The following ABHD17B variants were observed in gnomAD, a reference collection of about 807,000 sequenced individuals.
The protein encoded by ABHD17B is abhydrolase domain containing 17B, depalmitoylase, also known as alpha/beta hydrolase domain-containing protein 17B.
Under a neutral mutation model 26.2 loss-of-function variants are expected in ABHD17B, and 9 were observed. The observed-to-expected ratio is 0.34, with a 90% CI of 0.21 to 0.60. ABHD17B has a LOEUF of 0.60. Among genes scored for constraint, ABHD17B ranks in the 20% least tolerant of loss-of-function variants. ABHD17B has a pLI of 0.80. For missense variants in ABHD17B, 224 were observed against 352.1 expected, an observed-to-expected ratio of 0.64 and a Z score of 2.91; for synonymous variants, 127 against 122.3, an observed-to-expected ratio of 1.04 and a Z score of -0.25.
chr9:71,894,080 T>A (rs1826878549), intron 1 of ABHD17B, among the ~76,000 whole-genome samples: 1 of 86,410 alleles, frequency 1.2e-5, no homozygotes. Context: ...AGAGCGAGAC[T>A]CTATCTCAAA....
At chr9:71,869,945 T>C in intron 3 of ABHD17B, 138 bp downstream of exon 3, 1 of 804,826 alleles carries the variant, frequency 1.2e-6, no homozygotes. Flanking sequence ...TCTTTACAAA[T>C]TAATTTTTCA....
rs1825920306 is a variant in ABHD17B, at chr9:71,865,228, A to G, written c.*1559T>C. The G allele has an allele frequency of 2.0e-6, 2 of 985,460 alleles. No homozygotes were observed. Among genetic ancestry groups the G allele is most frequent in the Non-Finnish European group, 2.4e-6 (2 of 829,832 alleles). The allele number at this position is 985,460 out of a possible 1,614,324, so 61.0% of individuals were successfully genotyped here. A position where few individuals can be genotyped will look rare whatever the true frequency, so the allele number is the denominator to read the frequency against. On this transcript the variant is annotated 3_prime_UTR_variant, in exon 4 of 4. Transcript: ENST00000333421. ...CATTCACAATACTTGATATACTTTGAAGAGAGTCATATACTATAGTCTTAA... is the reference window on the plus strand; with the variant it reads ...CATTCACAATACTTGATATACTTTGGAGAGAGTCATATACTATAGTCTTAA...
At chr9:71,908,666 T>A (rs1827356594) in intron 1 of ABHD17B, among the ~76,000 whole-genome samples, 1 of 152,238 alleles carries the variant, frequency 6.6e-6, no homozygotes, top group African/African-American at 2.4e-5. Context: ...ATTTTAATTC[T>A]TAAATGATGG....
At chr9:71,884,135 T>C (rs1324845371) in intron 1 of ABHD17B, among the ~76,000 whole-genome samples, 1 of 152,028 alleles carries the variant, frequency 6.6e-6, no homozygotes, top group African/African-American at 2.4e-5. Flanking sequence ...CCTCACCAAC[T>C]ATCAGAGAAA....
Position 71,874,602 on chromosome 9 carries a change from A to G in ABHD17B, c.467+12T>C. 1 of 1,533,550 alleles carries G rather than the reference A, an allele frequency of 6.5e-7. No homozygotes were observed. The highest frequency in any genetic ancestry group is 8.8e-7 in the Non-Finnish European group (1 of 1,142,048). The allele number at this position is 1,533,550 out of a possible 1,614,324, so 95.0% of individuals were successfully genotyped here. A position where few individuals can be genotyped will look rare whatever the true frequency, so the allele number is the denominator to read the frequency against. On this transcript the variant is annotated intron_variant, in intron 2 of 3. Transcript: ENST00000333421. ...CCACGAGTATGAAAAATAAATTCCA[A>G]CCACAATTTACCTTGTCCTAAGAGC... is the stretch of plus-strand genomic sequence containing the variant.
chr9:71,899,415 A>G (rs1182246029), intron 1 of ABHD17B, among the ~76,000 whole-genome samples: 1 of 152,166 alleles, frequency 6.6e-6, no homozygotes, highest in Admixed American at 6.5e-5. Context: ...TTTGGTGTAA[A>G]TACTTCTTTG....
chr9:71,866,374 T>C lies in ABHD17B; in HGVS notation c.*413A>G. On this transcript the variant is annotated 3_prime_UTR_variant, in exon 4 of 4. Transcript: ENST00000333421. ...TTCCATTATGAGTACTTAAATTGCT[T>C]TAGATACATAGCTTTTTTCAAAATA... The C allele has an allele frequency of 1.0e-6, 1 of 988,730 alleles. No individual in the cohort carries two copies. Among genetic ancestry groups the C allele is most frequent in the East Asian group, 1.0e-4 (1 of 10,032 alleles). 61.2% of individuals were successfully genotyped at this position (988,730 alleles called of 1,614,324 possible). A position where few individuals can be genotyped will look rare whatever the true frequency, so the allele number is the denominator to read the frequency against.
intron 1 of ABHD17B, among the ~76,000 whole-genome samples, chr9:71,881,730 C>CA (rs1197551926): frequency 1.3e-5 from 2 of 151,706 alleles, no homozygotes; most frequent in African/African-American, 2.4e-5. Context: ...ACTAAAAATA[C>CA]AAAAAATTAG....
chr9:71,900,316 C>G (rs976667588), intron 1 of ABHD17B, among the ~76,000 whole-genome samples: 1 of 152,162 alleles, frequency 6.6e-6, no homozygotes, highest in Non-Finnish European at 1.5e-5. Flanking sequence ...TTCTAGACGG[C>G]CTACAAGGTG....
At chr9:71,883,609 T>C (rs1564066560) in intron 1 of ABHD17B, among the ~76,000 whole-genome samples, 1 of 152,164 alleles carries the variant, frequency 6.6e-6, no homozygotes, top group Non-Finnish European at 1.5e-5. Flanking sequence ...CATTGGTAGA[T>C]TTAGCTTCAT....
chr9:71,902,357 T>C (rs977739936), intron 1 of ABHD17B: 9 of 152,198 alleles, frequency 5.9e-5, no homozygotes, highest in African/African-American at 2.2e-4. Flanking sequence ...GGGGTTTGTA[T>C]CAGAACGCCC....
At chr9:71,862,633 A>C (rs1410171872), downstream of ABHD17B, 7 of 977,470 alleles carry the variant, frequency 7.2e-6, no homozygotes, top group Non-Finnish European at 1.2e-5. Flanking sequence ...ATTAGGCTAT[A>C]TCATCTCTGC....
At position 71,865,780 on chromosome 9, in the gene ABHD17B, G is replaced by A; in HGVS notation, c.*1007C>T. 2.7e-6 allele frequency: 2 copies of A among 731,576 alleles called. No homozygotes were observed. The highest frequency in any genetic ancestry group is 3.3e-6 in the Non-Finnish European group (2 of 598,714). 45.3% of individuals were successfully genotyped at this position (731,576 alleles called of 1,614,324 possible). On this transcript the variant is annotated 3_prime_UTR_variant, in exon 4 of 4. Transcript: ENST00000333421. ...GGAGGCTGAGGCAGGAGAATCACTT[G>A]ATCCCGGGAGGCAGAGGTTGCAGTG... is the stretch of plus-strand genomic sequence containing the variant.
chr9:71,874,032 A>G (rs76750146), intron 2 of ABHD17B, among the ~76,000 whole-genome samples: 1,850 of 152,316 alleles, frequency 0.012, 32 homozygotes, highest in African/African-American at 0.042. Flanking sequence ...CCAGCCTCAT[A>G]CTGTTAATGA....
chr9:71,885,795 T>G (rs570163084), intron 1 of ABHD17B, among the ~76,000 whole-genome samples: 1 of 152,152 alleles, frequency 6.6e-6, no homozygotes, highest in Admixed American at 6.5e-5. Flanking sequence ...TTTGACATAA[T>G]AACAATTTAC....
chr9:71,908,221 T>C (rs1827341779), intron 1 of ABHD17B, among the ~76,000 whole-genome samples: 1 of 151,860 alleles, frequency 6.6e-6, no homozygotes, highest in Admixed American at 6.6e-5. Flanking sequence ...TGAAACCCCA[T>C]CTCTACTAAA....
At chr9:71,875,113 TTAA>T in intron 1 of ABHD17B, 30 bp from the exon 2 acceptor site, 1 of 1,538,392 alleles carries the variant, frequency 6.5e-7, no homozygotes, top group Non-Finnish European at 8.9e-7. Flanking sequence ...AGCAAATATT[TTAA>T]TAACTGAATG....
At chr9:71,887,946 T>C (rs1485646725) in intron 1 of ABHD17B, among the ~76,000 whole-genome samples, 1 of 152,208 alleles carries the variant, frequency 6.6e-6, no homozygotes, top group Non-Finnish European at 1.5e-5. Context: ...AGGCTATCTA[T>C]ATGTTTTAAT....
At chr9:71,863,335 T>C (rs946123954), downstream of ABHD17B, among the ~76,000 whole-genome samples, 10 of 152,206 alleles carry the variant, frequency 6.6e-5, no homozygotes, top group Admixed American at 1.3e-4. Flanking sequence ...GATATTATTA[T>C]TCAATTAGTT....
Sources: gnomAD v4.1 joint callset for allele counts (sites outside exome capture counted in the v4.1 genomes callset) on GRCh38, gnomAD v4.1.1 for gene constraint, MANE v1.5 for transcripts, NCBI Gene and HGNC (gene_info 2026-07-23, HGNC 2026-07-21) for gene names.